Variants in AP1M2 observed in about 807,000 individuals in gnomAD.
AP1M2 encodes the protein adaptor related protein complex 1 subunit mu 2.
A neutral mutation model predicts 54.6 loss-of-function variants in AP1M2; 41 were observed. The ratio of observed to expected loss-of-function variants is 0.75; its 90% CI spans 0.59 to 0.97. The LOEUF is 0.97. Ranked by LOEUF, AP1M2 falls within the 50% of genes least tolerant of loss-of-function variation. AP1M2 has a pLI of 0.00. For missense variants in AP1M2, 507 were observed against 561.2 expected, an observed-to-expected ratio of 0.90 and a Z score of 0.98; for synonymous variants, 219 against 215.9, an observed-to-expected ratio of 1.01 and a Z score of -0.13.
At chr19:10,579,487 T>C (rs1170153639) in intron 7 of AP1M2, among the ~76,000 whole-genome samples, 1 of 152,044 alleles carries the variant, frequency 6.6e-6, no homozygotes, top group East Asian at 1.9e-4. Context: ...CCCCAGTACC[T>C]GGGATTACAG....
Position 10,587,249 on chromosome 19 carries a change from T to G in AP1M2, c.-18A>C. The G allele has an allele frequency of 1.3e-6, 2 of 1,561,946 alleles. No homozygotes were observed. The highest frequency in any genetic ancestry group is 1.7e-6 in the Non-Finnish European group (2 of 1,153,318). ...GCGGACATGGTGGCGGCCGAAGGAC[T>G]TAGGAGTCGGGGAGGGAGCGCCGGG... is the stretch of plus-strand genomic sequence containing the variant. On this transcript the variant is annotated 5_prime_UTR_variant, in exon 1 of 12. Transcript: ENST00000250244.
At chr19:10,574,815 AG>A in intron 10 of AP1M2, 88 bp downstream of exon 10, 1 of 1,458,588 alleles carries the variant, frequency 6.9e-7, no homozygotes, top group Non-Finnish European at 9.1e-7. Flanking sequence ...GACACAGGCC[AG>A]GGGACTGAGG....
intron 8 of AP1M2, 136 bp from the exon 9 acceptor site, chr19:10,577,492 G>A (rs934860794): frequency 3.2e-6 from 3 of 946,640 alleles, no homozygotes; most frequent in Middle Eastern, 3.5e-4. Flanking sequence ...GGAGTGCAGT[G>A]GCGCGATCTC....
intron 11 of AP1M2, 82 bp from the exon 12 acceptor site, chr19:10,573,170 G>A: frequency 1.5e-6 from 2 of 1,360,092 alleles, no homozygotes; most frequent in Admixed American, 2.0e-5. Context: ...TATAATCCCA[G>A]CACTTTGGGA....
chr19:10,583,480 A>G, intron 3 of AP1M2, 126 bp downstream of exon 3: 1 of 714,228 alleles, frequency 1.4e-6, no homozygotes, highest in Non-Finnish European at 2.3e-6. Flanking sequence ...ACCAGAAAAA[A>G]AAAAAAGGGA....
chr19:10,584,769 C>A (rs1917575252), intron 1 of AP1M2, among the ~76,000 whole-genome samples: 1 of 152,072 alleles, frequency 6.6e-6, no homozygotes, highest in Non-Finnish European at 1.5e-5. Flanking sequence ...ATGTTATCAT[C>A]ATCTCCATTT....
At chr19:10,573,178 G>T in intron 11 of AP1M2, 90 bp from the exon 12 acceptor site, 1 of 1,270,746 alleles carries the variant, frequency 7.9e-7, no homozygotes, top group Non-Finnish European at 1.1e-6. Context: ...CAGCACTTTG[G>T]GAGGTCGAGG....
chr19:10,575,777 T>G (rs1917209106), intron 9 of AP1M2, among the ~76,000 whole-genome samples: 1 of 145,856 alleles, frequency 6.9e-6, no homozygotes, highest in Non-Finnish European at 1.5e-5. Flanking sequence ...TTCTTTTTTT[T>G]TTTTTTTGAG....
At chr19:10,580,377 T>C (rs929921861) in intron 6 of AP1M2, among the ~76,000 whole-genome samples, 3 of 151,840 alleles carry the variant, frequency 2.0e-5, no homozygotes, top group African/African-American at 7.2e-5. Context: ...AATATGATGC[T>C]GAGGCCTGGC....
rs1917370013 is a variant in AP1M2 at position 10,579,720 on chromosome 19, G to C, written c.812C>G (p.Thr271Ser). The change falls in exon 7 of 12, where the codon ACC becomes AGC. Residue 271 changes from threonine to serine, a missense_variant. Coordinates refer to ENST00000250244, the MANE Select transcript of AP1M2 (RefSeq NM_005498.5). ...DFELMSYRLS[T>S]QVKPLIWIES... The stretch of plus-strand genomic sequence containing the variant: ...TGGGGCTGGACCCTGCCTCACCTGG[G>C]TGCTGAGGCGGTATGACATGAGCTC... The C allele has an allele frequency of 6.2e-7, 1 of 1,612,856 alleles. No individual in the cohort carries two copies. The highest frequency in any genetic ancestry group is 1.1e-5 in the South Asian group (1 of 90,924).
At chr19:10,583,460 C>G (rs2144768280) in intron 3 of AP1M2, 146 bp downstream of exon 3, 1 of 594,662 alleles carries the variant, frequency 1.7e-6, no homozygotes, top group East Asian at 2.8e-5. Context: ...TATAGCAAGA[C>G]CCCATCTCTA....
chr19:10,576,945 C>T (rs563756708), intron 9 of AP1M2, among the ~76,000 whole-genome samples: 1 of 152,270 alleles, frequency 6.6e-6, no homozygotes, highest in East Asian at 1.9e-4. Flanking sequence ...AGGCGTGAGC[C>T]ACTGCGCCCA....
chr19:10,581,692 C>T, intron 4 of AP1M2, 56 bp downstream of exon 4: 1 of 1,611,926 alleles, frequency 6.2e-7, no homozygotes, highest in Admixed American at 1.7e-5. Context: ...CGTGGACCTC[C>T]TCCAGTTCCT....
intron 6 of AP1M2, 31 bp downstream of exon 6, chr19:10,581,235 T>C: frequency 6.3e-7 from 1 of 1,590,732 alleles, no homozygotes; most frequent in Non-Finnish European, 8.6e-7. Context: ...CCCTGTGCAT[T>C]TCTCAGAAGA....
intron 8 of AP1M2, among the ~76,000 whole-genome samples, chr19:10,578,526 A>G (rs1164291257): frequency 2.6e-5 from 4 of 151,988 alleles, no homozygotes; most frequent in Admixed American, 6.6e-5. Context: ...TCAGTCCATC[A>G]CAGGAGAGTT....
In AP1M2 at chr19:10,581,546, C is replaced by T; in HGVS notation, c.487G>A (p.Gly163Ser). The stretch of plus-strand genomic sequence containing the variant: ...ACCTCGTTCTTCTTATACTTGATAC[C>T]CTCGGAGCGCCAGGACACAGCGTTG... ...VTNAVSWRSEGIKYKKNEVFI... is the reference protein window; with the variant it reads ...VTNAVSWRSESIKYKKNEVFI... The change falls in exon 5 of 12, where the codon GGT (glycine) becomes AGT (serine). Residue 163 changes from glycine (G) to serine (S), a missense_variant. Gly to Ser is a moderately conservative substitution (Grantham distance 56). Transcript: ENST00000250244. The T allele has an allele frequency of 6.2e-7, 1 of 1,613,814 alleles. No individual in the cohort carries two copies. The highest frequency in any genetic ancestry group is 8.5e-7 in the Non-Finnish European group (1 of 1,179,836).
Position 10,574,402 on chromosome 19 carries a change from G to C in AP1M2, c.1249+15C>G. 4 of 1,544,264 alleles carry C rather than the reference G, an allele frequency of 2.6e-6. No homozygotes were observed. Among genetic ancestry groups the C allele is most frequent in the Non-Finnish European group, 3.5e-6 (4 of 1,143,544 alleles). Reference sequence around the variant, plus strand: ...TTCCCTCACCCCATTGTCCCCAGGAGCTGGGCTGCCTTACCGCCACTCTGG... The same window carrying C: ...TTCCCTCACCCCATTGTCCCCAGGACCTGGGCTGCCTTACCGCCACTCTGG... On this transcript the variant is annotated intron_variant, in intron 11 of 11. Coordinates refer to ENST00000250244, the MANE Select transcript of AP1M2 (RefSeq NM_005498.5).
rs370954039 is a variant in AP1M2 at position 10,581,278 on chromosome 19, C to G, written c.661G>C (p.Glu221Gln). 1.9e-6 allele frequency: 3 copies of G among 1,613,168 alleles called. No individual in the cohort carries two copies. The highest frequency in any genetic ancestry group is 2.7e-5 in the African/African-American group (2 of 74,926). ...CCTAAATGCTTACGGCCAGTGAGCTCGAAGAGCACGCGGTCATTGAGGCCC... is the reference window on the plus strand; with the variant it reads ...CCTAAATGCTTACGGCCAGTGAGCTGGAAGAGCACGCGGTCATTGAGGCCC... ...RLGLNDRVLF[E>Q]LTGRSKNKSV... Residue 221 changes from glutamate to glutamine, a missense_variant, in exon 6 of 12, where the codon GAG (glutamate) becomes CAG (glutamine). Glu to Gln is a conservative substitution (Grantham distance 29). Transcript: ENST00000250244.
chr19:10,573,842 G>A (rs1234806910), intron 11 of AP1M2, among the ~76,000 whole-genome samples: 1 of 151,028 alleles, frequency 6.6e-6, no homozygotes, highest in Non-Finnish European at 1.5e-5. Context: ...TATATTTTTT[G>A]TAGTGAAGGG....
Sources: gnomAD v4.1 joint callset for allele counts (sites outside exome capture counted in the v4.1 genomes callset) on GRCh38, gnomAD v4.1.1 for gene constraint, MANE v1.5 for transcripts, NCBI Gene and HGNC (gene_info 2026-07-23, HGNC 2026-07-21) for gene names.